RRAGC: variants seen among roughly 807,000 people sequenced by gnomAD.
RRAGC encodes ras-related GTP-binding protein C.
A neutral mutation model predicts 37.1 loss-of-function variants in RRAGC; 8 were observed. The ratio of observed to expected loss-of-function variants is 0.22; its 90% confidence interval spans 0.13 to 0.39. The LOEUF (loss-of-function observed/expected upper bound fraction) is 0.39. RRAGC is among the 10% of genes least tolerant of loss of function. The pLI is 1.00. For missense variants in RRAGC, 342 were observed against 497.6 expected (o/e 0.69, Z 2.98); for synonymous variants, 190 against 181.1 (o/e 1.05, Z -0.39).
At chr1:38,854,445 G>T (rs965032369) in intron 3 of RRAGC, among the ~76,000 whole-genome samples, 2 of 152,176 alleles carry the variant, frequency 1.3e-5, no homozygotes, top group Non-Finnish European at 2.9e-5. Context: ...GAAAGGGATG[G>T]CATGTACCAC....
chr1:38,844,444 T>A (rs1570861078), intron 6 of RRAGC, among the ~76,000 whole-genome samples: 5 of 126,424 alleles, frequency 4.0e-5, no homozygotes, highest in South Asian at 4.9e-4. Flanking sequence ...CAAACAGGAC[T>A]GAGGAAAAAA....
chr1:38,851,038 T>C (rs936725880), intron 5 of RRAGC, among the ~76,000 whole-genome samples: 1 of 152,208 alleles, frequency 6.6e-6, no homozygotes, highest in African/African-American at 2.4e-5. Context: ...TTCTACAAAA[T>C]CACTTGCTGG....
intron 1 of RRAGC, among the ~76,000 whole-genome samples, chr1:38,857,603 C>G (rs1240108334): frequency 6.6e-6 from 1 of 152,158 alleles, no homozygotes; most frequent in Non-Finnish European, 1.5e-5. Context: ...GGGGAGGCCA[C>G]GGGGACTGAC....
At chr1:38,858,911 A>G (rs1482363327) in intron 1 of RRAGC, among the ~76,000 whole-genome samples, 2 of 152,256 alleles carry the variant, frequency 1.3e-5, no homozygotes, top group Non-Finnish European at 2.9e-5. Context: ...CAGTAATGCT[A>G]CAGCGAAGTC....
At chr1:38,844,188 T>A (rs893054832) in intron 6 of RRAGC, among the ~76,000 whole-genome samples, 2 of 152,080 alleles carry the variant, frequency 1.3e-5, no homozygotes, top group Admixed American at 6.6e-5. Flanking sequence ...GACAGAAGTA[T>A]GACAGCCACG....
intron 5 of RRAGC, among the ~76,000 whole-genome samples, chr1:38,848,328 A>G (rs192142852): frequency 1.9e-4 from 29 of 152,042 alleles, no homozygotes; most frequent in Non-Finnish European, 2.6e-4. Context: ...TGCCACATGG[A>G]AAGTGAGAAC....
chr1:38,845,861 ATT>A, intron 6 of RRAGC, 76 bp downstream of exon 6: 1 of 1,263,058 alleles, frequency 7.9e-7, no homozygotes, highest in East Asian at 2.4e-5. Flanking sequence ...TGCAATTATT[ATT>A]TTCACTTGTT....
chr1:38,846,176 C>A, intron 5 of RRAGC, 89 bp from the exon 6 acceptor site: 1 of 1,015,490 alleles, frequency 9.8e-7, no homozygotes, highest in Non-Finnish European at 1.5e-6. Flanking sequence ...ACCCAGTTTC[C>A]CAAATGTCTC....
At chr1:38,851,571 T>C (rs764254581) in intron 5 of RRAGC, 44 bp downstream of exon 5, 1 of 1,459,198 alleles carries the variant, frequency 6.9e-7, no homozygotes, top group Non-Finnish European at 9.0e-7. Context: ...AGTTAATAGT[T>C]TTCCGCCTGT....
intron 6 of RRAGC, among the ~76,000 whole-genome samples, chr1:38,843,435 T>C (rs11211460): frequency 0.41 from 62,693 of 151,952 alleles, 14,343 homozygotes; most frequent in Non-Finnish European, 0.51. Flanking sequence ...CCATTAAAAA[T>C]TCAGGCCGGG....
chr1:38,842,564 G>A (rs1159556999), intron 6 of RRAGC, among the ~76,000 whole-genome samples: 1 of 152,144 alleles, frequency 6.6e-6, no homozygotes, highest in Non-Finnish European at 1.5e-5. Context: ...CCACAGACCG[G>A]TGCCAGCCAG....
chr1:38,846,094 T>C lies in RRAGC; in HGVS notation c.900-7A>G. ...ACTTCCATCTTCCTTTAACCTATTT[T>C]AAAAGAAAGTACTATTCATTACAGG... is the stretch of plus-strand genomic sequence containing the variant. On this transcript the variant is annotated splice_polypyrimidine_tract_variant and splice_region_variant and intron_variant, in intron 5 of 6. Transcript: ENST00000373001. The C allele has an allele frequency of 6.2e-7, 1 of 1,603,602 alleles. No individual in the cohort carries two copies. Among genetic ancestry groups the C allele is most frequent in the Non-Finnish European group, 8.5e-7 (1 of 1,173,496 alleles).
Position 38,838,425 on chromosome 1 carries a change from G to A in RRAGC, c.*1128C>T, listed in dbSNP as rs1318760123. On this transcript the variant is annotated 3_prime_UTR_variant, in exon 7 of 7. Transcript: ENST00000373001. Reference sequence around the variant, plus strand: ...TGTACTCAAGTGGTCCAGTGGCTTTGGAATATATGTCTACTGGGCATGTGG... The same window carrying A: ...TGTACTCAAGTGGTCCAGTGGCTTTAGAATATATGTCTACTGGGCATGTGG... 1.3e-5 allele frequency: 2 copies of A among 152,134 alleles called. No homozygotes were observed. Among genetic ancestry groups the A allele is most frequent in the Non-Finnish European group, 2.9e-5 (2 of 68,030 alleles). The allele number at this position is 152,134 out of a possible 1,614,324, so 9.4% of individuals were successfully genotyped here. A position where few individuals can be genotyped will look rare whatever the true frequency, so the allele number is the denominator to read the frequency against.
At chr1:38,851,877 CA>C in intron 4 of RRAGC, 120 bp from the exon 5 acceptor site, 2 of 792,248 alleles carry the variant, frequency 2.5e-6, no homozygotes, top group Non-Finnish European at 4.0e-6. Context: ...AACCCAATAC[CA>C]AAAAACAAAT....
chr1:38,845,618 G>C (rs1215509043), intron 6 of RRAGC, among the ~76,000 whole-genome samples: 1 of 152,178 alleles, frequency 6.6e-6, no homozygotes, highest in African/African-American at 2.4e-5. Context: ...AGAACTTAAA[G>C]TATAAACAAT....
chr1:38,852,126 C>G (rs935820827), intron 4 of RRAGC, among the ~76,000 whole-genome samples: 1 of 152,168 alleles, frequency 6.6e-6, no homozygotes, highest in Non-Finnish European at 1.5e-5. Context: ...ACTTTGCTAT[C>G]AAGAAAGGCG....
intron 6 of RRAGC, among the ~76,000 whole-genome samples, chr1:38,844,030 C>T (rs1641998740): frequency 6.6e-6 from 1 of 151,966 alleles, no homozygotes; most frequent in Non-Finnish European, 1.5e-5. Context: ...GGTGAAAATT[C>T]AATATAAACA....
chr1:38,842,991 T>C (rs1399217459), intron 6 of RRAGC, among the ~76,000 whole-genome samples: 2 of 152,032 alleles, frequency 1.3e-5, no homozygotes, highest in Non-Finnish European at 2.9e-5. Flanking sequence ...AAAAATAAAA[T>C]ACACATAGCT....
At chr1:38,845,326 G>A (rs1642015055) in intron 6 of RRAGC, among the ~76,000 whole-genome samples, 1 of 152,154 alleles carries the variant, frequency 6.6e-6, no homozygotes, top group Non-Finnish European at 1.5e-5. Flanking sequence ...TCCTTTGCAG[G>A]GACATGGATG....
Sources: allele counts gnomAD v4.1 joint callset (sites outside exome capture counted in the v4.1 genomes callset), GRCh38; gene constraint gnomAD v4.1.1; transcripts MANE v1.5; gene names NCBI Gene and HGNC (gene_info 2026-07-23, HGNC 2026-07-21).